The following CHMP2B variants were observed in gnomAD, a reference collection of about 807,000 sequenced individuals.
The protein encoded by CHMP2B is VPS2 homolog B.
A neutral mutation model predicts 29.8 loss-of-function variants in CHMP2B; 22 were observed. That is an observed-to-expected ratio of 0.74 (90% CI 0.53 to 1.05). The LOEUF (loss-of-function observed/expected upper bound fraction) is 1.05. CHMP2B is among the 50% of genes least tolerant of loss of function. The pLI, the probability that CHMP2B is intolerant of heterozygous loss-of-function variation, is 0.00. For missense variants in CHMP2B, 261 were observed against 252.2 expected (o/e 1.03, Z -0.24); for synonymous variants, 78 against 75.8 (o/e 1.03, Z -0.15).
chr3:87,245,107 C>T (rs1706186848), intron 2 of CHMP2B, among the ~76,000 whole-genome samples: 1 of 152,040 alleles, frequency 6.6e-6, no homozygotes, highest in South Asian at 2.1e-4. Context: ...TCCTTGGTCT[C>T]AAGTTTATTT....
At chr3:87,247,998 A>T (rs1706245141) in intron 3 of CHMP2B, among the ~76,000 whole-genome samples, 1 of 152,098 alleles carries the variant, frequency 6.6e-6, no homozygotes, top group South Asian at 2.1e-4. Context: ...CTTTAAAAAG[A>T]GAAAGTTTCA....
At position 87,255,061 on chromosome 3, in the gene CHMP2B, A is replaced by G. The variant is rs773268462; in HGVS notation, c.*1239A>G. Reference sequence around the variant, plus strand: ...AGGATTAGGTTAGTTTTGAAAAATGATGTTGTAATATATGGGTTCTAACAC... The same window carrying G: ...AGGATTAGGTTAGTTTTGAAAAATGGTGTTGTAATATATGGGTTCTAACAC... On this transcript the variant is annotated 3_prime_UTR_variant, in exon 6 of 6. Coordinates refer to ENST00000263780, the MANE Select transcript of CHMP2B (RefSeq NM_014043.4). 1.3e-5 allele frequency: 2 copies of G among 152,088 alleles called. No homozygotes were observed. Among genetic ancestry groups the G allele is most frequent in the East Asian group, 1.9e-4 (1 of 5,180 alleles). The allele number at this position is 152,088 out of a possible 1,614,324, so 9.4% of individuals were successfully genotyped here. A position where few individuals can be genotyped will look rare whatever the true frequency, so the allele number is the denominator to read the frequency against.
chr3:87,254,345 T>C lies in CHMP2B; in HGVS notation c.*523T>C, dbSNP rs1164786710. 1 of 153,990 alleles carries C rather than the reference T, an allele frequency of 6.5e-6. No homozygotes were observed. The highest frequency in any genetic ancestry group is 2.4e-5 in the African/African-American group (1 of 41,462). 9.5% of individuals were successfully genotyped at this position (153,990 alleles called of 1,614,324 possible). On this transcript the variant is annotated 3_prime_UTR_variant, in exon 6 of 6. Coordinates refer to ENST00000263780, the MANE Select transcript of CHMP2B (RefSeq NM_014043.4). ...TTAAACATCTGTCTTAAACAAAAAC[T>C]GTCATAACTTTTCTTTTTTCTTTTT...
chr3:87,237,366 G>C (rs892515135), intron 1 of CHMP2B, among the ~76,000 whole-genome samples: 2 of 152,242 alleles, frequency 1.3e-5, no homozygotes, highest in African/African-American at 4.8e-5. Context: ...AGAAGAGAAA[G>C]ATCCACAAGG....
chr3:87,253,199 T>C (rs748052219), intron 4 of CHMP2B: 2 of 505,932 alleles, frequency 4.0e-6, no homozygotes, highest in Non-Finnish European at 7.2e-6. Flanking sequence ...ATAATTTGTG[T>C]TGAAATGAAC....
Position 87,227,347 on chromosome 3 carries a change from G to C in CHMP2B, c.-176G>C. On this transcript the variant is annotated 5_prime_UTR_variant, in exon 1 of 6. Transcript: ENST00000263780. ...CACCTGAGCTCCGGGTGACGCGGCTGCGGTAGCTGCGGATACAAGCCTTCC... is the reference window on the plus strand; with the variant it reads ...CACCTGAGCTCCGGGTGACGCGGCTCCGGTAGCTGCGGATACAAGCCTTCC... The C allele has an allele frequency of 1.5e-6, 1 of 666,226 alleles. No homozygotes were observed. The highest frequency in any genetic ancestry group is 2.7e-6 in the Non-Finnish European group (1 of 371,926). 41.3% of individuals were successfully genotyped at this position (666,226 alleles called of 1,614,324 possible).
chr3:87,255,467 CAAT>C lies in CHMP2B; in HGVS notation c.*1648_*1650del, dbSNP rs1294624562. 3 of 152,320 alleles carry C rather than the reference CAAT, an allele frequency of 2.0e-5. No homozygotes were observed. The highest frequency in any genetic ancestry group is 7.2e-5 in the African/African-American group (3 of 41,388). 9.4% of individuals were successfully genotyped at this position (152,320 alleles called of 1,614,324 possible). On this transcript the variant is annotated 3_prime_UTR_variant, in exon 6 of 6. Transcript: ENST00000263780. ...CAAAAATTATTTTGTTAAAAAATCT[CAAT>C]AAAGATTTATTATTGTTGTTCTTTT...
intron 2 of CHMP2B, among the ~76,000 whole-genome samples, chr3:87,242,182 G>A (rs898575818): frequency 1.3e-5 from 2 of 151,896 alleles, no homozygotes; most frequent in Non-Finnish European, 2.9e-5. Context: ...ATATATTGTG[G>A]AAACAAATGC....
chr3:87,242,137 C>T (rs1706129136), intron 2 of CHMP2B, among the ~76,000 whole-genome samples: 1 of 151,912 alleles, frequency 6.6e-6, no homozygotes, highest in African/African-American at 2.4e-5. Context: ...ATTTTTTCAT[C>T]AAATTGTTTT....
At chr3:87,227,935 G>A (rs1705843070) in intron 1 of CHMP2B, among the ~76,000 whole-genome samples, 1 of 152,154 alleles carries the variant, frequency 6.6e-6, no homozygotes, top group Non-Finnish European at 1.5e-5. Context: ...CTACTTGTAG[G>A]CATCCATACA....
intron 2 of CHMP2B, among the ~76,000 whole-genome samples, chr3:87,243,860 G>A (rs190266941): frequency 2.0e-5 from 3 of 151,270 alleles, no homozygotes; most frequent in African/African-American, 7.3e-5. Context: ...TTGTAACTGT[G>A]TTCTCTCTCT....
chr3:87,231,620 A>G (rs776982268), intron 1 of CHMP2B, among the ~76,000 whole-genome samples: 5 of 152,110 alleles, frequency 3.3e-5, no homozygotes, highest in African/African-American at 1.2e-4. Context: ...TAATGCGTGT[A>G]TGGCTCTCCT....
At chr3:87,251,917 T>C (rs1706319730) in intron 4 of CHMP2B, among the ~76,000 whole-genome samples, 1 of 151,908 alleles carries the variant, frequency 6.6e-6, no homozygotes, top group African/African-American at 2.4e-5. Flanking sequence ...TTGCATCTCC[T>C]GTATTACTTT....
chr3:87,230,234 A>G (rs1422489572), intron 1 of CHMP2B, among the ~76,000 whole-genome samples: 1 of 152,210 alleles, frequency 6.6e-6, no homozygotes, highest in Non-Finnish European at 1.5e-5. Context: ...AACACTATAT[A>G]ATTTTTGTCT....
chr3:87,253,766 G>T lies in CHMP2B; in HGVS notation c.586G>T (p.Ala196Ser). The T allele has an allele frequency of 3.7e-6, 6 of 1,612,498 alleles. No individual in the cohort carries two copies. Among genetic ancestry groups the T allele is most frequent in the Non-Finnish European group, 5.1e-6 (6 of 1,178,852 alleles). The change falls in exon 6 of 6, where the codon GCT (alanine) becomes TCT (serine). Residue 196 changes from alanine (A) to serine (S), a missense_variant. Physicochemically the swap from Ala to Ser is moderately conservative, Grantham distance 99. Transcript: ENST00000263780. The part of the protein sequence containing the change: ...RSLPSASTSK[A>S]TISDEEIERQ... Reference sequence around the variant, plus strand: ...CTTACCATCTGCCTCTACTTCAAAGGCTACAATCTCAGATGAAGAGATTGA... The same window carrying T: ...CTTACCATCTGCCTCTACTTCAAAGTCTACAATCTCAGATGAAGAGATTGA...
At chr3:87,233,001 C>T (rs1705935140) in intron 1 of CHMP2B, among the ~76,000 whole-genome samples, 1 of 152,114 alleles carries the variant, frequency 6.6e-6, no homozygotes, top group African/African-American at 2.4e-5. Context: ...ATTATTTTTG[C>T]TACCGCATAT....
At chr3:87,252,982 T>C (rs1706343039) in intron 4 of CHMP2B, 1 of 168,824 alleles carries the variant, frequency 5.9e-6, no homozygotes, top group Non-Finnish European at 1.3e-5. Context: ...TTAAGAGGTA[T>C]AAAAATATGA....
At position 87,246,848 on chromosome 3, in the gene CHMP2B, T is replaced by G. The variant is rs182280272; in HGVS notation, c.321+940T>G. Among the ~76,000 whole-genome samples, 461 of 152,330 alleles carry G rather than the reference T, an allele frequency of 3.0e-3. 3 individuals are homozygous for G. The highest frequency in any genetic ancestry group is 0.011 in the African/African-American group (442 of 41,584). On this transcript the variant is annotated intron_variant, in intron 3 of 5. Coordinates refer to ENST00000263780, the MANE Select transcript of CHMP2B (RefSeq NM_014043.4). ...GCTTTCACAAATTTTATAGTTCAATTGGAGGCTTAAGATATGTCTCTTGGA... is the reference window on the plus strand; with the variant it reads ...GCTTTCACAAATTTTATAGTTCAATGGGAGGCTTAAGATATGTCTCTTGGA...
chr3:87,236,169 A>T (rs980076056), intron 1 of CHMP2B, among the ~76,000 whole-genome samples: 1 of 152,106 alleles, frequency 6.6e-6, no homozygotes, highest in Non-Finnish European at 1.5e-5. Context: ...CTCTCCTGAC[A>T]TATGGGGGTG....
Sources: gnomAD v4.1 joint callset for allele counts (sites outside exome capture counted in the v4.1 genomes callset) on GRCh38, gnomAD v4.1.1 for gene constraint, MANE v1.5 for transcripts, NCBI Gene and HGNC (gene_info 2026-07-23, HGNC 2026-07-21) for gene names.